KALRN: variants seen among roughly 807,000 people sequenced by gnomAD.
KALRN encodes the protein kalirin.
In KALRN, 70 loss-of-function variants were observed where a neutral mutation model predicts 353.7. The observed-to-expected ratio is 0.20, with a 90% CI of 0.16 to 0.24. The LOEUF (loss-of-function observed/expected upper bound fraction) is 0.24. Ranked by LOEUF, KALRN falls within the 10% of genes least tolerant of loss-of-function variation. KALRN has a pLI of 1.00. For missense variants in KALRN, 2,791 were observed against 3,756.7 expected (o/e 0.74, Z 6.72); for synonymous variants, 1,391 against 1,434.8 (o/e 0.97, Z 0.69).
At chr3:124,572,219 G>T (rs948005035) in intron 34 of KALRN, among the ~76,000 whole-genome samples, 1 of 151,718 alleles carries the variant, frequency 6.6e-6, no homozygotes, top group Non-Finnish European at 1.5e-5. Flanking sequence ...AGCTGCTGGG[G>T]GTGGAGGTGG....
chr3:124,366,827 C>T (rs1454529896), intron 10 of KALRN, among the ~76,000 whole-genome samples: 26 of 142,960 alleles, frequency 1.8e-4, no homozygotes, highest in Middle Eastern at 3.8e-3. Context: ...GCTGGCTGGG[C>T]GGGGGTCTGA....
chr3:124,368,797 C>T (rs1243468393), intron 10 of KALRN, among the ~76,000 whole-genome samples: 1 of 152,018 alleles, frequency 6.6e-6, no homozygotes, highest in Non-Finnish European at 1.5e-5. Context: ...AACGAGACTC[C>T]GTCTGCAATC....
chr3:124,418,929 T>C (rs1211214741), intron 14 of KALRN, among the ~76,000 whole-genome samples: 1 of 151,910 alleles, frequency 6.6e-6, no homozygotes, highest in African/African-American at 2.4e-5. Flanking sequence ...GGTTAGGACA[T>C]GGTGATTTTT....
intron 31 of KALRN, 96 bp from the exon 32 acceptor site, chr3:124,492,644 G>C (rs1368285322): frequency 2.1e-5 from 28 of 1,304,964 alleles, no homozygotes; most frequent in Non-Finnish European, 1.8e-5. Context: ...TGGAATCCTT[G>C]AAAATAACAG....
At chr3:124,395,370 G>A (rs1192717266) in intron 12 of KALRN, 27 bp downstream of exon 12, 16 of 1,581,042 alleles carry the variant, frequency 1.0e-5, no homozygotes, top group Non-Finnish European at 1.4e-5. Context: ...CTTTCCAGTG[G>A]GAAATGCCTC....
Position 124,209,492 on chromosome 3 carries a change from C to CAAAAAAAAA in KALRN, c.74-18481_74-18473dup, listed in dbSNP as rs5852396. Among the ~76,000 whole-genome samples the CAAAAAAAAA allele has an allele frequency of 2.9e-5, 2 of 70,050 alleles. 1 individual carries two copies. The highest frequency in any genetic ancestry group is 1.2e-4 in the African/African-American group (2 of 16,648). 46.0% of individuals were successfully genotyped at this position (70,050 alleles called of 152,430 possible). On this transcript the variant is annotated intron_variant, in intron 1 of 59. Transcript: ENST00000682506. ...CAACAGAGCAAGACTCACTCTGTCT[C>CAAAAAAAAA]AAAAAAAAAAAAAAAAAAAAAAAAA...
At chr3:124,034,986 G>A (rs2039283170) in intron 1 of KALRN, among the ~76,000 whole-genome samples, 1 of 152,068 alleles carries the variant, frequency 6.6e-6, no homozygotes, top group Non-Finnish European at 1.5e-5. Flanking sequence ...AGGGGGTGGG[G>A]TGCTTTGCGG....
chr3:124,364,440 C>T (rs1421977629), intron 10 of KALRN, among the ~76,000 whole-genome samples: 1 of 152,156 alleles, frequency 6.6e-6, no homozygotes, highest in East Asian at 1.9e-4. Flanking sequence ...ACTTTGATCT[C>T]CTGCAGCTTC....
At chr3:124,106,235 T>A (rs1160503540) in intron 1 of KALRN, among the ~76,000 whole-genome samples, 4 of 152,076 alleles carry the variant, frequency 2.6e-5, no homozygotes, top group Non-Finnish European at 1.5e-5. Flanking sequence ...AGAAAATGAT[T>A]TTTAAGTAGA....
chr3:124,665,448 G>C (rs1171625404), intron 45 of KALRN, among the ~76,000 whole-genome samples: 3 of 152,068 alleles, frequency 2.0e-5, no homozygotes, highest in African/African-American at 7.2e-5. Flanking sequence ...TATTTTATTA[G>C]TTTTTTAAAA....
intron 1 of KALRN, among the ~76,000 whole-genome samples, chr3:124,225,025 C>T (rs982465048): frequency 3.3e-5 from 5 of 152,178 alleles, no homozygotes; most frequent in Non-Finnish European, 5.9e-5. Flanking sequence ...TACCAAGACA[C>T]GTACCCGATA....
intron 1 of KALRN, among the ~76,000 whole-genome samples, chr3:124,225,832 T>G (rs2078426188): frequency 6.6e-6 from 1 of 152,122 alleles, no homozygotes; most frequent in Non-Finnish European, 1.5e-5. Context: ...GGGACAGCAG[T>G]AGAAAAAAAT....
At chr3:124,486,746 C>T (rs1369623023) in intron 28 of KALRN, among the ~76,000 whole-genome samples, 1 of 152,152 alleles carries the variant, frequency 6.6e-6, no homozygotes, top group African/African-American at 2.4e-5. Context: ...TGTGCTGCGG[C>T]CAGGTTGATC....
rs534600707 is a variant in KALRN at position 124,722,873 on chromosome 3, T to A, written c.*3403T>A. ...TTATTCATTGCATAGGGTTTTGAGC[T>A]TTTTGTTTTGTTTTGTTTTGTAAGG... On this transcript the variant is annotated 3_prime_UTR_variant, in exon 60 of 60. Transcript: ENST00000682506. 1.1e-4 allele frequency: 16 copies of A among 152,308 alleles called. No homozygotes were observed. The highest frequency in any genetic ancestry group is 3.8e-4 in the African/African-American group (16 of 41,562). 9.4% of individuals were successfully genotyped at this position (152,308 alleles called of 1,614,324 possible). A position where few individuals can be genotyped will look rare whatever the true frequency, so the allele number is the denominator to read the frequency against.
chr3:124,330,229 TTC>T (rs369909557), intron 8 of KALRN, among the ~76,000 whole-genome samples: 8 of 135,046 alleles, frequency 5.9e-5, no homozygotes, highest in Non-Finnish European at 9.3e-5. Flanking sequence ...CTCGCATTCA[TTC>T]TCTCTCTCTC....
At chr3:124,199,942 G>A (rs537997204) in intron 1 of KALRN, among the ~76,000 whole-genome samples, 25 of 152,298 alleles carry the variant, frequency 1.6e-4, no homozygotes, top group African/African-American at 5.1e-4. Flanking sequence ...TGTTCTTTTG[G>A]CAAGAGTAAG....
chr3:124,456,223 T>C (rs558665853), intron 22 of KALRN, among the ~76,000 whole-genome samples: 1 of 152,214 alleles, frequency 6.6e-6, no homozygotes, highest in African/African-American at 2.4e-5. Flanking sequence ...ATGAAAGATG[T>C]TTTTATATCT....
chr3:124,612,349 A>G (rs1446723269), intron 34 of KALRN, among the ~76,000 whole-genome samples: 1 of 152,142 alleles, frequency 6.6e-6, no homozygotes, highest in African/African-American at 2.4e-5. Flanking sequence ...GATTACAGGC[A>G]TGTGCCACCA....
chr3:124,390,007 A>G (rs2089098981), intron 11 of KALRN, among the ~76,000 whole-genome samples: 1 of 152,200 alleles, frequency 6.6e-6, no homozygotes, highest in Non-Finnish European at 1.5e-5. Context: ...ATACATCCAG[A>G]GCCTCCACTA....
Sources: allele counts gnomAD v4.1 joint callset (sites outside exome capture counted in the v4.1 genomes callset), GRCh38; gene constraint gnomAD v4.1.1; transcripts MANE v1.5; gene names NCBI Gene and HGNC (gene_info 2026-07-23, HGNC 2026-07-21).